The following ZNF804B variants were observed in gnomAD, a reference collection of about 807,000 sequenced individuals.
The protein encoded by ZNF804B is zinc finger 804B.
A neutral mutation model predicts 101.4 loss-of-function variants in ZNF804B; 80 were observed. The observed-to-expected ratio is 0.79, with a 90% CI of 0.66 to 0.95. ZNF804B has a LOEUF of 0.95. ZNF804B is among the 40% of genes least tolerant of loss of function. The pLI is 0.00. For synonymous variants in ZNF804B, 622 were observed against 558.8 expected, an observed-to-expected ratio of 1.11 and a Z score of -1.59; for missense variants, 1,673 against 1,561.9, an observed-to-expected ratio of 1.07 and a Z score of -1.20.
intron 1 of ZNF804B, among the ~76,000 whole-genome samples, chr7:89,162,256 A>T (rs976536169): frequency 1.3e-4 from 20 of 152,150 alleles, no homozygotes; most frequent in Middle Eastern, 3.2e-3. Context: ...CAATTCCCCA[A>T]TGAGTTCTGA....
At chr7:89,310,642 G>T (rs1041979767) in intron 2 of ZNF804B, among the ~76,000 whole-genome samples, 1 of 152,166 alleles carries the variant, frequency 6.6e-6, no homozygotes, top group Admixed American at 6.5e-5. Context: ...TCAGCAGCAG[G>T]CATCGCTGAC....
chr7:89,005,557 A>T (rs1332738424), intron 1 of ZNF804B, among the ~76,000 whole-genome samples: 1 of 152,136 alleles, frequency 6.6e-6, no homozygotes, highest in Admixed American at 6.6e-5. Context: ...TTGAAACTTC[A>T]TATTGAGGTA....
chr7:88,821,166 A>C (rs1790975087), intron 1 of ZNF804B, among the ~76,000 whole-genome samples: 1 of 152,196 alleles, frequency 6.6e-6, no homozygotes, highest in African/African-American at 2.4e-5. Flanking sequence ...CACCTTTTCC[A>C]TGTGAGTGTA....
At chr7:89,027,487 C>T (rs555648921) in intron 1 of ZNF804B, among the ~76,000 whole-genome samples, 6 of 152,228 alleles carry the variant, frequency 3.9e-5, no homozygotes, top group African/African-American at 1.4e-4. Context: ...ATTTCTCAGC[C>T]CTTCTTTCCA....
At chr7:89,014,909 C>G (rs1317204614) in intron 1 of ZNF804B, among the ~76,000 whole-genome samples, 6 of 152,168 alleles carry the variant, frequency 3.9e-5, no homozygotes, top group Admixed American at 3.9e-4. Flanking sequence ...AGACCTTATT[C>G]ATAAAACCTT....
chr7:88,852,080 G>A (rs890072693), intron 1 of ZNF804B, among the ~76,000 whole-genome samples: 3 of 152,038 alleles, frequency 2.0e-5, no homozygotes, highest in African/African-American at 7.2e-5. Flanking sequence ...AGCCCAAGAT[G>A]AAAAGATAAG....
intron 1 of ZNF804B, among the ~76,000 whole-genome samples, chr7:88,906,856 A>G (rs896201741): frequency 6.6e-6 from 1 of 152,012 alleles, no homozygotes; most frequent in Non-Finnish European, 1.5e-5. Flanking sequence ...CTATTATTGT[A>G]TAGCTGTTTA....
chr7:89,210,675 T>G (rs1397926785), intron 1 of ZNF804B, among the ~76,000 whole-genome samples: 1 of 152,246 alleles, frequency 6.6e-6, no homozygotes, highest in Non-Finnish European at 1.5e-5. Context: ...GGACATGATC[T>G]CATTCATTTT....
intron 1 of ZNF804B, among the ~76,000 whole-genome samples, chr7:89,194,851 A>C (rs1404462917): frequency 6.6e-6 from 1 of 151,956 alleles, no homozygotes; most frequent in East Asian, 1.9e-4. Flanking sequence ...TCTGTGAAGA[A>C]AGTCATTGGT....
chr7:89,218,381 A>T, intron 2 of ZNF804B, 86 bp downstream of exon 2: 1 of 1,459,908 alleles, frequency 6.8e-7, no homozygotes, highest in Non-Finnish European at 9.4e-7. Flanking sequence ...ATTTACTGCC[A>T]TATAAGACTG....
In ZNF804B at chr7:89,076,605, A is replaced by C. The variant is rs554891082; in HGVS notation, c.109-141550A>C. On this transcript the variant is annotated intron_variant, in intron 1 of 3. Transcript: ENST00000333190. ...GTACATAAGAAAAATATTGTCAAAT[A>C]ATACAACCAGTTAGATCCAAATGAT... Among the ~76,000 whole-genome samples, 15 of 152,354 alleles carry C rather than the reference A, an allele frequency of 9.8e-5. No homozygotes were observed. The South Asian group carries it at 1.0e-3, about 11-fold the overall frequency.
At chr7:89,298,201 A>AGTGTGT (rs796540032) in intron 2 of ZNF804B, among the ~76,000 whole-genome samples, 2 of 71,548 alleles carry the variant, frequency 2.8e-5, no homozygotes, top group African/African-American at 1.2e-4. Context: ...ATATCTATAT[A>AGTGTGT]GTGTGTGTGT....
intron 2 of ZNF804B, among the ~76,000 whole-genome samples, chr7:89,298,100 G>T: frequency 7.3e-6 from 1 of 137,372 alleles, no homozygotes; most frequent in Non-Finnish European, 1.5e-5. Flanking sequence ...TATTTAGAGA[G>T]TTGACAAAGG....
chr7:89,081,325 ACT>A (rs933280488), intron 1 of ZNF804B, among the ~76,000 whole-genome samples: 1 of 151,738 alleles, frequency 6.6e-6, no homozygotes, highest in African/African-American at 2.4e-5. Context: ...TTCAGAAATA[ACT>A]CTGGATCTCT....
intron 1 of ZNF804B, among the ~76,000 whole-genome samples, chr7:88,865,436 G>A (rs1014414995): frequency 6.6e-6 from 1 of 152,078 alleles, no homozygotes; most frequent in Non-Finnish European, 1.5e-5. Context: ...TGAGGCTGAG[G>A]TGGGAGAAAT....
At chr7:88,858,636 G>A (rs1791605512) in intron 1 of ZNF804B, among the ~76,000 whole-genome samples, 1 of 151,990 alleles carries the variant, frequency 6.6e-6, no homozygotes, top group Admixed American at 6.6e-5. Flanking sequence ...GTACTTTGAG[G>A]CCAAGTACAG....
At chr7:88,913,282 G>A (rs1446558233) in intron 1 of ZNF804B, among the ~76,000 whole-genome samples, 1 of 152,182 alleles carries the variant, frequency 6.6e-6, no homozygotes, top group African/African-American at 2.4e-5. Flanking sequence ...GGAGAAATCA[G>A]ATGTAGTGTA....
intron 1 of ZNF804B, among the ~76,000 whole-genome samples, chr7:89,208,587 T>TC (rs1198187909): frequency 9.0e-6 from 1 of 111,682 alleles, no homozygotes; most frequent in South Asian, 2.9e-4. Flanking sequence ...CACCTGCACT[T>TC]CCTTATTTCC....
chr7:88,896,188 A>G (rs940284947), intron 1 of ZNF804B, among the ~76,000 whole-genome samples: 1 of 152,194 alleles, frequency 6.6e-6, no homozygotes, highest in Non-Finnish European at 1.5e-5. Context: ...TAACCATGTG[A>G]AAAACTTCTG....
Sources: gnomAD v4.1 joint callset for allele counts (sites outside exome capture counted in the v4.1 genomes callset) on GRCh38, gnomAD v4.1.1 for gene constraint, MANE v1.5 for transcripts, NCBI Gene and HGNC (gene_info 2026-07-23, HGNC 2026-07-21) for gene names.